Variants in MRPS9 observed in about 807,000 individuals in gnomAD.
MRPS9 encodes the protein small ribosomal subunit protein uS9m.
MRPS9 carries 45 observed loss-of-function variants against 59.9 expected under a neutral mutation model. That is an observed-to-expected ratio of 0.75 (90% CI 0.59 to 0.96). The LOEUF (loss-of-function observed/expected upper bound fraction) is 0.96. Among genes scored for constraint, MRPS9 ranks in the 40% least tolerant of loss-of-function variants. The pLI is 0.00. For missense variants in MRPS9, 473 were observed against 481.1 expected, an observed-to-expected ratio of 0.98 and a Z score of 0.16; for synonymous variants, 171 against 166.8, an observed-to-expected ratio of 1.03 and a Z score of -0.19.
intron 2 of MRPS9, among the ~76,000 whole-genome samples, chr2:105,053,300 G>A (rs1326577638): frequency 1.3e-5 from 2 of 152,098 alleles, no homozygotes; most frequent in Non-Finnish European, 2.9e-5. Flanking sequence ...AGTAGCTATG[G>A]TCTATAATTT....
At chr2:105,052,742 C>T (rs1012074623) in intron 2 of MRPS9, among the ~76,000 whole-genome samples, 2 of 152,040 alleles carry the variant, frequency 1.3e-5, no homozygotes, top group African/African-American at 4.8e-5. Flanking sequence ...GCCATCTGGG[C>T]CTGGGCTTTT....
At chr2:105,061,136 A>AAAAAG (rs1679893092) in intron 2 of MRPS9, among the ~76,000 whole-genome samples, 3 of 142,320 alleles carry the variant, frequency 2.1e-5, no homozygotes, top group African/African-American at 5.3e-5. Flanking sequence ...AAAAAAAAAA[A>AAAAAG]GTTAAATATT....
intron 2 of MRPS9, among the ~76,000 whole-genome samples, chr2:105,067,049 A>G (rs1439175360): frequency 1.3e-5 from 2 of 152,146 alleles, no homozygotes; most frequent in African/African-American, 4.8e-5. Flanking sequence ...GTATATGTAA[A>G]ACATTTTTTA....
intron 1 of MRPS9, among the ~76,000 whole-genome samples, chr2:105,043,614 T>C (rs1323440745): frequency 6.6e-6 from 1 of 152,120 alleles, no homozygotes; most frequent in Non-Finnish European, 1.5e-5. Flanking sequence ...TTTCCTTTTT[T>C]TTAGAATTTT....
chr2:105,092,332 C>A, intron 7 of MRPS9, 69 bp from the exon 8 acceptor site: 3 of 1,419,760 alleles, frequency 2.1e-6, no homozygotes, highest in Non-Finnish European at 2.8e-6. Context: ...ATCAAGTATG[C>A]AAAAAATAGA....
intron 4 of MRPS9, among the ~76,000 whole-genome samples, chr2:105,077,681 T>C (rs11903999): frequency 0.22 from 32,879 of 152,106 alleles, 3,623 homozygotes; most frequent in Middle Eastern, 0.34. Flanking sequence ...TGTAAAATTA[T>C]GTTTTTATTA....
intron 5 of MRPS9, among the ~76,000 whole-genome samples, chr2:105,085,454 T>G (rs948617091): frequency 6.6e-6 from 1 of 152,230 alleles, no homozygotes; most frequent in African/African-American, 2.4e-5. Context: ...AGACTTTTTC[T>G]ATATCACCTC....
intron 1 of MRPS9, among the ~76,000 whole-genome samples, chr2:105,044,412 A>T (rs1316032335): frequency 6.6e-6 from 1 of 152,192 alleles, no homozygotes; most frequent in East Asian, 1.9e-4. Context: ...ATAATTCTGG[A>T]CTTTTAATAA....
chr2:105,071,739 A>AT (rs1259470251), intron 4 of MRPS9, among the ~76,000 whole-genome samples: 1 of 152,182 alleles, frequency 6.6e-6, no homozygotes, highest in Non-Finnish European at 1.5e-5. Flanking sequence ...TTGCATTCCA[A>AT]TATGTCCTTT....
intron 8 of MRPS9, among the ~76,000 whole-genome samples, chr2:105,092,908 C>T (rs960816183): frequency 3.3e-5 from 5 of 152,072 alleles, no homozygotes; most frequent in Non-Finnish European, 5.9e-5. Flanking sequence ...AATGAAAATG[C>T]TCAATGAATC....
At chr2:105,057,609 G>A (rs1156466718) in intron 2 of MRPS9, among the ~76,000 whole-genome samples, 1 of 152,196 alleles carries the variant, frequency 6.6e-6, no homozygotes, top group African/African-American at 2.4e-5. Flanking sequence ...AGTGCCAATG[G>A]AACTTTATAG....
intron 2 of MRPS9, among the ~76,000 whole-genome samples, chr2:105,065,618 A>G (rs1220489216): frequency 6.6e-6 from 1 of 152,222 alleles, no homozygotes; most frequent in Non-Finnish European, 1.5e-5. Context: ...AATAAGACAC[A>G]GTGAGGATTA....
chr2:105,071,446 A>T lies in MRPS9; in HGVS notation c.379-13A>T. ...ATGATAATTATCTAATACATTATTA[A>T]TTTATTTTACAGCATCCTGAACAGA... On this transcript the variant is annotated splice_polypyrimidine_tract_variant and intron_variant, in intron 3 of 10. Coordinates refer to ENST00000258455, the MANE Select transcript of MRPS9 (RefSeq NM_182640.3). 1 of 1,598,408 alleles carries T rather than the reference A, an allele frequency of 6.3e-7. No homozygotes were observed. The highest frequency in any genetic ancestry group is 8.5e-7 in the Non-Finnish European group (1 of 1,170,302).
chr2:105,074,995 A>T (rs575979421), intron 4 of MRPS9, among the ~76,000 whole-genome samples: 26 of 152,338 alleles, frequency 1.7e-4, no homozygotes, highest in African/African-American at 6.3e-4. Flanking sequence ...GTAATGTAGA[A>T]TCAGTGTGAG....
chr2:105,096,245 C>T (rs765879631), intron 9 of MRPS9, among the ~76,000 whole-genome samples: 5 of 152,056 alleles, frequency 3.3e-5, no homozygotes, highest in Admixed American at 2.6e-4. Context: ...ATACCTGTCT[C>T]TCAGCTTAAC....
At chr2:105,050,231 C>T (rs1679686075) in intron 2 of MRPS9, among the ~76,000 whole-genome samples, 1 of 152,172 alleles carries the variant, frequency 6.6e-6, no homozygotes, top group Non-Finnish European at 1.5e-5. Flanking sequence ...CCTCTGCCTA[C>T]TGGCTTCAAG....
intron 1 of MRPS9, 164 bp downstream of exon 1, chr2:105,038,391 G>A: frequency 1.2e-6 from 1 of 820,184 alleles, no homozygotes; most frequent in Non-Finnish European, 1.9e-6. Flanking sequence ...GGGTATTGGC[G>A]TGCAGTAGCC....
chr2:105,093,055 C>G (rs1271673135), intron 8 of MRPS9, among the ~76,000 whole-genome samples: 1 of 152,174 alleles, frequency 6.6e-6, no homozygotes, highest in Non-Finnish European at 1.5e-5. Flanking sequence ...TAAAAGATTT[C>G]ACGTCATTGT....
At chr2:105,067,748 G>A (rs145312624) in intron 2 of MRPS9, among the ~76,000 whole-genome samples, 71 of 152,284 alleles carry the variant, frequency 4.7e-4, no homozygotes, top group African/African-American at 1.7e-3. Context: ...GAGTGTGTGT[G>A]TGTGTGTATG....
Sources: allele counts gnomAD v4.1 joint callset (sites outside exome capture counted in the v4.1 genomes callset), GRCh38; gene constraint gnomAD v4.1.1; transcripts MANE v1.5; gene names NCBI Gene and HGNC (gene_info 2026-07-23, HGNC 2026-07-21).